Variants in ARL13B observed in about 807,000 individuals in gnomAD.
The protein encoded by ARL13B is ADP-ribosylation factor-like protein 13B.
A neutral mutation model predicts 56.1 loss-of-function variants in ARL13B; 36 were observed. The observed-to-expected ratio is 0.64, with a 90% CI of 0.49 to 0.85. The LOEUF (loss-of-function observed/expected upper bound fraction) is 0.85. Among genes scored for constraint, ARL13B ranks in the 40% least tolerant of loss-of-function variants. The pLI, the probability that ARL13B is intolerant of heterozygous loss-of-function variation, is 0.00. For missense variants in ARL13B, 519 were observed against 507.1 expected (o/e 1.02, Z -0.23); for synonymous variants, 178 against 171.1 (o/e 1.04, Z -0.32).
At chr3:93,995,770 A>C (rs1007576108) in intron 1 of ARL13B, 104 bp from the exon 2 acceptor site, 17 of 1,036,882 alleles carry the variant, frequency 1.6e-5, no homozygotes, top group African/African-American at 4.8e-5. Flanking sequence ...TCTTGTGCTT[A>C]ATAGGTGCTC....
chr3:94,037,627 T>C (rs1248016036), intron 5 of ARL13B, among the ~76,000 whole-genome samples: 1 of 152,114 alleles, frequency 6.6e-6, no homozygotes, highest in African/African-American at 2.4e-5. Flanking sequence ...AGAATATTTG[T>C]TTTTTTCTTA....
At position 94,053,348 on chromosome 3, in the gene ARL13B, T is replaced by G. The variant is rs2077096556; in HGVS notation, c.*85T>G. The G allele has an allele frequency of 8.2e-7, 1 of 1,223,446 alleles. No homozygotes were observed. Among genetic ancestry groups the G allele is most frequent in the African/African-American group, 1.5e-5 (1 of 67,422 alleles). The allele number at this position is 1,223,446 out of a possible 1,614,324, so 75.8% of individuals were successfully genotyped here. On this transcript the variant is annotated 3_prime_UTR_variant, in exon 10 of 10. Transcript: ENST00000394222. ...CTCAGAAGAAGAAACATCTTGTAAA[T>G]TGATGACTGGGGCAAGATAACCATA...
intron 3 of ARL13B, among the ~76,000 whole-genome samples, chr3:94,011,575 T>C (rs1400032559): frequency 6.6e-6 from 1 of 152,174 alleles, no homozygotes; most frequent in Non-Finnish European, 1.5e-5. Flanking sequence ...CCCTGCCTTT[T>C]CTTCTATAGT....
At chr3:94,031,949 T>C (rs1265372921) in intron 3 of ARL13B, among the ~76,000 whole-genome samples, 1 of 152,172 alleles carries the variant, frequency 6.6e-6, no homozygotes, top group Non-Finnish European at 1.5e-5. Flanking sequence ...AAAGACTTAA[T>C]GTAAGACCTG....
chr3:94,021,576 C>G (rs1488358877), intron 3 of ARL13B, among the ~76,000 whole-genome samples: 1 of 152,116 alleles, frequency 6.6e-6, no homozygotes, highest in Non-Finnish European at 1.5e-5. Flanking sequence ...AATGTGGAAA[C>G]TTTTTACCAT....
intron 2 of ARL13B, chr3:93,996,736 G>A: frequency 4.1e-6 from 1 of 242,312 alleles, no homozygotes; most frequent in Non-Finnish European, 9.3e-6. Context: ...CTATGCTAGT[G>A]ACTTTGTTGG....
At chr3:94,033,923 A>G (rs2076721036) in intron 3 of ARL13B, among the ~76,000 whole-genome samples, 1 of 152,180 alleles carries the variant, frequency 6.6e-6, no homozygotes, top group South Asian at 2.1e-4. Flanking sequence ...TGGGAATTCT[A>G]AAGAAAAATT....
intron 3 of ARL13B, among the ~76,000 whole-genome samples, chr3:94,026,340 A>T (rs1278765694): frequency 6.6e-6 from 1 of 152,214 alleles, no homozygotes; most frequent in African/African-American, 2.4e-5. Context: ...AAGAGGGAGT[A>T]ACTTCTGTAT....
intron 3 of ARL13B, among the ~76,000 whole-genome samples, chr3:94,017,501 A>G (rs2076357657): frequency 6.6e-6 from 1 of 152,174 alleles, no homozygotes; most frequent in African/African-American, 2.4e-5. Context: ...AAAAGGTTAA[A>G]CCAATGTCCT....
At chr3:94,039,080 TC>T (rs1426152302) in intron 5 of ARL13B, among the ~76,000 whole-genome samples, 4 of 152,216 alleles carry the variant, frequency 2.6e-5, no homozygotes, top group Admixed American at 6.5e-5. Context: ...GATATTCTAG[TC>T]TTTTATTCTT....
intron 1 of ARL13B, among the ~76,000 whole-genome samples, chr3:93,989,425 GGGCTGAAGGAGTACTC>G (rs1710630987): frequency 6.6e-6 from 1 of 152,158 alleles, no homozygotes; most frequent in African/African-American, 2.4e-5. Flanking sequence ...TGGTTGTGAA[GGGCTGAAGGAGTACTC>G]GGCATGGAAG....
chr3:94,029,334 A>ATATATATATTTTTTT (rs2076625062), intron 3 of ARL13B, among the ~76,000 whole-genome samples: 1 of 53,436 alleles, frequency 1.9e-5, no homozygotes, highest in Non-Finnish European at 3.5e-5. Context: ...ATATATATAT[A>ATATATATATTTTTTT]TTTATTTTTT....
intron 1 of ARL13B, among the ~76,000 whole-genome samples, chr3:93,993,816 A>G (rs147151502): frequency 6.6e-6 from 1 of 152,216 alleles, no homozygotes; most frequent in East Asian, 1.9e-4. Context: ...AAGCAGGTAC[A>G]TTTCCAGATG....
intron 5 of ARL13B, 74 bp downstream of exon 5, chr3:94,036,828 GT>G: frequency 6.8e-7 from 1 of 1,461,558 alleles, no homozygotes. Context: ...TCAGTTGTTA[GT>G]TTTATCTGTT....
At chr3:94,050,764 C>T in intron 8 of ARL13B, 60 bp from the exon 9 acceptor site, 4 of 1,440,386 alleles carry the variant, frequency 2.8e-6, no homozygotes, top group Non-Finnish European at 3.9e-6. Context: ...GGGATCCTCT[C>T]AACAGACCTA....
intron 1 of ARL13B, among the ~76,000 whole-genome samples, chr3:93,984,567 G>A (rs1710360441): frequency 6.6e-6 from 1 of 151,992 alleles, no homozygotes; most frequent in Non-Finnish European, 1.5e-5. Flanking sequence ...GGAGAGGAAG[G>A]CACACGTGTA....
At chr3:94,036,474 T>C in intron 4 of ARL13B, 78 bp from the exon 5 acceptor site, 1 of 1,454,544 alleles carries the variant, frequency 6.9e-7, no homozygotes, top group Admixed American at 1.8e-5. Flanking sequence ...TGATTTGCCA[T>C]TAATTATACT....
intron 7 of ARL13B, among the ~76,000 whole-genome samples, chr3:94,043,917 C>T (rs1419904024): frequency 2.6e-5 from 4 of 151,344 alleles, no homozygotes; most frequent in East Asian, 2.0e-4. Flanking sequence ...CTCGGCCTCC[C>T]GAGGTGCTGG....
intron 5 of ARL13B, 112 bp from the exon 6 acceptor site, chr3:94,039,768 G>A (rs1010321201): frequency 6.4e-5 from 57 of 890,176 alleles, no homozygotes; most frequent in Non-Finnish European, 1.0e-4. Flanking sequence ...TCAAAACCAT[G>A]TCCAGATGTT....
Sources: allele counts gnomAD v4.1 joint callset (sites outside exome capture counted in the v4.1 genomes callset), GRCh38; gene constraint gnomAD v4.1.1; transcripts MANE v1.5; gene names NCBI Gene and HGNC (gene_info 2026-07-23, HGNC 2026-07-21).